Variants in RSPH3 observed in about 807,000 individuals in gnomAD.
RSPH3 encodes radial spoke head 3.
RSPH3 carries 21 observed loss-of-function variants against 43.8 expected under a neutral mutation model. The observed-to-expected ratio is 0.48, with a 90% confidence interval of 0.34 to 0.69. RSPH3 has a LOEUF of 0.69. Among genes scored for constraint, RSPH3 ranks in the 30% least tolerant of loss-of-function variants. RSPH3 has a pLI of 0.01. For missense variants in RSPH3, 487 were observed against 516.0 expected (o/e 0.94, Z 0.54); for synonymous variants, 173 against 179.8 (o/e 0.96, Z 0.30).
the RSPH3 span, among the ~76,000 whole-genome samples, chr6:158,966,285 G>T: frequency 3.9e-5 from 6 of 152,106 alleles, no homozygotes; most frequent in African/African-American, 1.4e-4. Flanking sequence ...AAGGATATTG[G>T]TCTACAGTTT....
At position 158,999,631 on chromosome 6, in the gene RSPH3, G is replaced by C. The variant is rs2114733021; in HGVS notation, c.-81C>G. On this transcript the variant is annotated 5_prime_UTR_variant, in exon 1 of 8. In the 5' UTR this introduces an upstream ATG that the reference lacks. Transcript: ENST00000367069. The stretch of plus-strand genomic sequence containing the variant: ...GCTAAGGTGTTGTGGGACCCGGAGA[G>C]ATGTAAGTAGTGCCAAGGGCAAGGA... 3 of 1,614,046 alleles carry C rather than the reference G, an allele frequency of 1.9e-6. No homozygotes were observed. Among genetic ancestry groups the C allele is most frequent in the African/African-American group, 1.3e-5 (1 of 75,054 alleles).
At chr6:158,985,778 A>C (rs1778210843) in intron 3 of RSPH3, among the ~76,000 whole-genome samples, 1 of 150,454 alleles carries the variant, frequency 6.6e-6, no homozygotes, top group Non-Finnish European at 1.5e-5. Flanking sequence ...CACTATGATA[A>C]TAGTATATAG....
In RSPH3 at chr6:158,975,466, C is replaced by T. The variant is rs1487834765; in HGVS notation, c.*2072G>A. 1 of 152,184 alleles carries T rather than the reference C, an allele frequency of 6.6e-6. No individual in the cohort carries two copies. Among genetic ancestry groups the T allele is most frequent in the East Asian group, 1.9e-4 (1 of 5,202 alleles). The allele number at this position is 152,184 out of a possible 1,614,324, so 9.4% of individuals were successfully genotyped here. On this transcript the variant is annotated 3_prime_UTR_variant, in exon 8 of 8. Coordinates refer to ENST00000367069, the MANE Select transcript of RSPH3 (RefSeq NM_031924.8). ...ATTCCAGCTTTAGTCCTATTCCCTA[C>T]TAGGCTCGTCATCTATTGCAAATCA...
chr6:158,997,508 C>A (rs1018780078), intron 1 of RSPH3, among the ~76,000 whole-genome samples: 5 of 151,946 alleles, frequency 3.3e-5, no homozygotes, highest in Non-Finnish European at 5.9e-5. Flanking sequence ...TATCCATAAG[C>A]AAATTATGGA....
intron 1 of RSPH3, among the ~76,000 whole-genome samples, chr6:158,999,131 C>G (rs1429925750): frequency 6.6e-6 from 1 of 152,216 alleles, no homozygotes; most frequent in South Asian, 2.1e-4. Flanking sequence ...GTGCTCAGCA[C>G]GTAGTTGGCC....
At chr6:158,967,914 G>C (rs532425152), downstream of RSPH3, among the ~76,000 whole-genome samples, 1 of 152,046 alleles carries the variant, frequency 6.6e-6, no homozygotes, top group Non-Finnish European at 1.5e-5. Flanking sequence ...GTTACTGTTT[G>C]CATGCCATAT....
In RSPH3 at chr6:158,977,455, T is replaced by C. The variant is rs1777880034; in HGVS notation, c.*83A>G. ...CTGACTAAATACAACATAATTTCTA[T>C]AACCTGAGGGGACTCGCACATCATT... On this transcript the variant is annotated 3_prime_UTR_variant, in exon 8 of 8. Coordinates refer to ENST00000367069, the MANE Select transcript of RSPH3 (RefSeq NM_031924.8). 4 of 1,214,000 alleles carry C rather than the reference T, an allele frequency of 3.3e-6. No individual in the cohort carries two copies. Among genetic ancestry groups the C allele is most frequent in the African/African-American group, 1.5e-5 (1 of 66,044 alleles). The allele number at this position is 1,214,000 out of a possible 1,614,324, so 75.2% of individuals were successfully genotyped here.
chr6:158,985,552 T>A (rs2128607637), intron 3 of RSPH3, among the ~76,000 whole-genome samples: 1 of 152,284 alleles, frequency 6.6e-6, no homozygotes, highest in South Asian at 2.1e-4. Context: ...TGCCTTAGCC[T>A]ACTGAGTAGC....
rs1037977781 is a variant in RSPH3, at chr6:158,973,039, C to T, written c.*4499G>A. The stretch of plus-strand genomic sequence containing the variant: ...TCTTTTTTGGGTCTCTGACTGTGAA[C>T]AAGATTGTGGAAGGTTGGTTGAGGT... On this transcript the variant is annotated 3_prime_UTR_variant, in exon 8 of 8. Transcript: ENST00000367069. 3 of 152,148 alleles carry T rather than the reference C, an allele frequency of 2.0e-5. No individual in the cohort carries two copies. The highest frequency in any genetic ancestry group is 2.9e-5 in the Non-Finnish European group (2 of 68,026). 9.4% of individuals were successfully genotyped at this position (152,148 alleles called of 1,614,324 possible). A position where few individuals can be genotyped will look rare whatever the true frequency, so the allele number is the denominator to read the frequency against.
At chr6:158,993,428 C>CTT (rs369613942) in intron 2 of RSPH3, among the ~76,000 whole-genome samples, 30 of 117,932 alleles carry the variant, frequency 2.5e-4, no homozygotes, top group African/African-American at 8.0e-4. Flanking sequence ...CTGGGGCTTG[C>CTT]TTTTTTTTTT....
At chr6:158,983,954 C>T (rs1477617821) in intron 3 of RSPH3, 147 bp from the exon 4 acceptor site, 12 of 610,548 alleles carry the variant, frequency 2.0e-5, no homozygotes, top group Middle Eastern at 4.5e-4. Flanking sequence ...GCCAACATGG[C>T]GAAACCCCAT....
At chr6:158,980,577 A>T (rs1777999935) in intron 6 of RSPH3, among the ~76,000 whole-genome samples, 197 bp downstream of exon 6, 1 of 152,234 alleles carries the variant, frequency 6.6e-6, no homozygotes, top group South Asian at 2.1e-4. Flanking sequence ...TCAATAAACA[A>T]ATACTAATAT....
chr6:158,980,247 C>T (rs755897407), intron 6 of RSPH3, among the ~76,000 whole-genome samples: 29 of 152,010 alleles, frequency 1.9e-4, no homozygotes, highest in Non-Finnish European at 4.1e-4. Flanking sequence ...GCCAACATGG[C>T]GAAACCCCGT....
chr6:158,989,202 A>G lies in RSPH3; in HGVS notation c.205-2781T>C, dbSNP rs145293249. ...GCTGGGATTACAGGTGCCCGCCACC[A>G]TGCCTGGCTAATTTTTGTATTTTTA... is the stretch of plus-strand genomic sequence containing the variant. On this transcript the variant is annotated intron_variant, in intron 2 of 7. Transcript: ENST00000367069. This position sits in a 1 kb window ranked among gnomAD's most constrained non-coding sequence, Gnocchi z 4.3. 0.018 allele frequency among the ~76,000 whole-genome samples: 2,706 copies of G among 152,140 alleles called. 34 individuals are homozygous for G. Among genetic ancestry groups the G allele is most frequent in the Middle Eastern group, 0.024 (7 of 294 alleles).
At chr6:158,993,027 T>C (rs1426321632) in intron 2 of RSPH3, among the ~76,000 whole-genome samples, 1 of 152,200 alleles carries the variant, frequency 6.6e-6, no homozygotes, top group Non-Finnish European at 1.5e-5. Context: ...TATAAACTAT[T>C]TGAACTGGTC....
intron 2 of RSPH3, among the ~76,000 whole-genome samples, chr6:158,990,147 C>T (rs117711823): frequency 0.018 from 2,714 of 152,138 alleles, 34 homozygotes; most frequent in Middle Eastern, 0.024. Context: ...TGTGGGACCT[C>T]GTGATTGTGT....
chr6:158,984,459 T>C (rs1778153557), intron 3 of RSPH3, among the ~76,000 whole-genome samples: 2 of 133,822 alleles, frequency 1.5e-5, no homozygotes, highest in Admixed American at 7.8e-5. Flanking sequence ...TATATATATA[T>C]ATATATATAT....
the RSPH3 span, among the ~76,000 whole-genome samples, chr6:158,964,107 C>A: frequency 6.6e-6 from 1 of 152,126 alleles, no homozygotes; most frequent in African/African-American, 2.4e-5. Context: ...TTGGGTTCCA[C>A]AGACCAATAA....
intron 1 of RSPH3, among the ~76,000 whole-genome samples, chr6:158,997,218 G>A (rs1030369741): frequency 6.6e-6 from 1 of 150,874 alleles, no homozygotes; most frequent in African/African-American, 2.4e-5. Context: ...TCCAGTTTCA[G>A]ATACTCTGTT....
Sources: allele counts gnomAD v4.1 joint callset (sites outside exome capture counted in the v4.1 genomes callset), GRCh38; gene constraint gnomAD v4.1.1; non-coding constraint Gnocchi (gnomAD v3.1); transcripts MANE v1.5; gene names NCBI Gene and HGNC (gene_info 2026-07-23, HGNC 2026-07-21).